The following PCDH7 variants were observed in gnomAD, a reference collection of about 807,000 sequenced individuals.
The protein encoded by PCDH7 is protocadherin-7.
PCDH7 carries 17 observed loss-of-function variants against 58.9 expected under a neutral mutation model. The observed-to-expected ratio is 0.29, with a 90% confidence interval of 0.20 to 0.43. PCDH7 has a LOEUF of 0.43. Among genes scored for constraint, PCDH7 ranks in the 20% least tolerant of loss-of-function variants. The pLI, the probability that PCDH7 is intolerant of heterozygous loss-of-function variation, is 1.00. For synonymous variants in PCDH7, 664 were observed against 616.4 expected, an observed-to-expected ratio of 1.08 and a Z score of -1.14; for missense variants, 1,274 against 1,441.0, an observed-to-expected ratio of 0.88 and a Z score of 1.88.
intron 1 of PCDH7, among the ~76,000 whole-genome samples, chr4:30,775,901 A>T (rs1391910227): frequency 6.6e-6 from 1 of 152,174 alleles, no homozygotes; most frequent in Non-Finnish European, 1.5e-5. Context: ...CATTGCAAAA[A>T]AAAAAGATAT....
chr4:30,769,659 A>G (rs540207850), intron 1 of PCDH7, among the ~76,000 whole-genome samples: 1 of 152,268 alleles, frequency 6.6e-6, no homozygotes, highest in East Asian at 1.9e-4. Flanking sequence ...ATTAAGATCC[A>G]CCCTGTTGTG....
chr4:30,922,355 G>A (rs2109416965), intron 2 of PCDH7, among the ~76,000 whole-genome samples: 1 of 151,822 alleles, frequency 6.6e-6, no homozygotes, highest in East Asian at 2.0e-4. Context: ...GTAAAGCACA[G>A]AATGTACAAT....
At chr4:30,955,522 T>G (rs1042318171) in intron 3 of PCDH7, among the ~76,000 whole-genome samples, 5 of 151,142 alleles carry the variant, frequency 3.3e-5, no homozygotes. Flanking sequence ...TTTTATTTTA[T>G]TTCATTTTAT....
At chr4:30,738,191 G>A (rs1054950098) in intron 1 of PCDH7, among the ~76,000 whole-genome samples, 3 of 152,136 alleles carry the variant, frequency 2.0e-5, no homozygotes, top group Non-Finnish European at 4.4e-5. Context: ...TCACATTGGA[G>A]AATACAGGGC....
intron 3 of PCDH7, among the ~76,000 whole-genome samples, chr4:31,056,458 GAAGAAAGAAAGAAAGAAAGAAAGA>G (rs1553932367): frequency 1.2e-5 from 1 of 83,156 alleles, no homozygotes; most frequent in Non-Finnish European, 2.2e-5. Context: ...AAGAAAGAAA[GAAGAAAGAAAGAAAGAAAGAAAGA>G]AAGAAAGAAA....
Position 30,722,319 on chromosome 4 carries a change from C to A in PCDH7, c.897C>A (p.Thr299=), listed in dbSNP as rs762683666. 6.2e-7 allele frequency: 1 copy of A among 1,609,844 alleles called. No homozygotes were observed. Among genetic ancestry groups the A allele is most frequent in the Non-Finnish European group, 8.5e-7 (1 of 1,178,920 alleles). ...AGGCCATCCTACGGGTCCTCATCAC[C>A]GACGTGAACGACAACAGCCCCCGCT... The change falls in exon 1 of 2, where the codon ACC becomes ACA. Residue 299 remains threonine (T), a synonymous_variant. Coordinates refer to ENST00000361762, the Ensembl canonical transcript of PCDH7. The surrounding 1 kb of genome is among the most constrained non-coding windows in gnomAD (Gnocchi z 7.6).
rs115320901 is a variant in PCDH7 at position 30,783,357 on chromosome 4, C to T, written c.70+58761C>T. 5.2e-3 allele frequency among the ~76,000 whole-genome samples: 785 copies of T among 152,210 alleles called. 8 individuals carry two copies. The highest frequency in any genetic ancestry group is 0.018 in the African/African-American group (754 of 41,522). ...CAATTTGATTTTCTGGGTCATGGAC[C>T]ATACTCTGCGTTTTATGTCATACTT... On this transcript the variant is annotated intron_variant, in intron 1 of 3. Coordinates refer to the PCDH7 transcript ENST00000509759.
chr4:30,764,135 C>T (rs1720394653), intron 1 of PCDH7, among the ~76,000 whole-genome samples: 1 of 152,128 alleles, frequency 6.6e-6, no homozygotes. Flanking sequence ...ATTTCAATTT[C>T]AGTAGTAAAT....
chr4:31,141,637 C>A (rs1424039359), intron 3 of PCDH7, among the ~76,000 whole-genome samples: 1 of 152,186 alleles, frequency 6.6e-6, no homozygotes, highest in East Asian at 1.9e-4. Context: ...ATGATTTAGC[C>A]TTTTAGAAGT....
chr4:30,721,753 G>T lies in PCDH7; in HGVS notation c.331G>T (p.Asp111Tyr). ...CTTCGACGAGAACGAGTGCTTCCTGGACTTCGAGGTGTCGGTGATCGGGCC... is the reference window on the plus strand; with the variant it reads ...CTTCGACGAGAACGAGTGCTTCCTGTACTTCGAGGTGTCGGTGATCGGGCC... The change falls in exon 1 of 2, where the codon GAC (aspartate) becomes TAC (tyrosine). Residue 111 changes from aspartate to tyrosine, a missense_variant. Transcript: ENST00000361762. This position sits in a 1 kb window ranked among gnomAD's most constrained non-coding sequence, Gnocchi z 6.7. 6.2e-7 allele frequency: 1 copy of T among 1,613,862 alleles called. No homozygotes were observed. Among genetic ancestry groups the T allele is most frequent in the Non-Finnish European group, 8.5e-7 (1 of 1,179,978 alleles).
At chr4:30,864,484 G>A (rs1734629618) in intron 1 of PCDH7, among the ~76,000 whole-genome samples, 1 of 147,920 alleles carries the variant, frequency 6.8e-6, no homozygotes, top group Admixed American at 6.7e-5. Flanking sequence ...TTGTTGCCAA[G>A]GGAGCCAGCT....
chr4:30,857,139 G>A (rs1033689324), intron 1 of PCDH7, among the ~76,000 whole-genome samples: 3 of 152,034 alleles, frequency 2.0e-5, no homozygotes, highest in Admixed American at 6.6e-5. Flanking sequence ...ACTCTTGTTT[G>A]AATCTCATGG....
intron 1 of PCDH7, among the ~76,000 whole-genome samples, chr4:30,853,987 G>A (rs1049943769): frequency 2.8e-4 from 42 of 151,912 alleles, no homozygotes; most frequent in African/African-American, 9.2e-4. Context: ...AATGAAATGT[G>A]ATGATAGTAA....
At chr4:30,998,594 G>T (rs1303928751) in intron 3 of PCDH7, among the ~76,000 whole-genome samples, 1 of 152,124 alleles carries the variant, frequency 6.6e-6, no homozygotes, top group Non-Finnish European at 1.5e-5. Context: ...CAGAACAATT[G>T]AATCAGAAAC....
chr4:31,054,898 G>A (rs1018393629), intron 3 of PCDH7, among the ~76,000 whole-genome samples: 1 of 152,078 alleles, frequency 6.6e-6, no homozygotes, highest in African/African-American at 2.4e-5. Flanking sequence ...TTAATGTTGA[G>A]TTTATGAAAT....
In PCDH7 at chr4:30,790,197, T is replaced by C. The variant is rs181444985; in HGVS notation, c.70+65601T>C. ...TGAACTGATTCTAATATTTCTCTGA[T>C]GACTTTTGAAACTTAAGTTACTGAG... On this transcript the variant is annotated intron_variant, in intron 1 of 3. Coordinates refer to the PCDH7 transcript ENST00000509759. 3.4e-4 allele frequency among the ~76,000 whole-genome samples: 52 copies of C among 152,376 alleles called. 1 individual carries two copies. Among genetic ancestry groups the C allele is most frequent in the South Asian group, 2.1e-3 (10 of 4,832 alleles).
At chr4:30,798,254 T>G (rs993208658) in intron 1 of PCDH7, among the ~76,000 whole-genome samples, 1 of 152,166 alleles carries the variant, frequency 6.6e-6, no homozygotes, top group African/African-American at 2.4e-5. Flanking sequence ...GGGGAGTGGA[T>G]GCCTTGATTT....
intron 1 of PCDH7, among the ~76,000 whole-genome samples, chr4:30,729,463 G>A (rs1715156600): frequency 6.6e-6 from 1 of 151,832 alleles, no homozygotes; most frequent in Admixed American, 6.6e-5. Flanking sequence ...CCTCATGTAG[G>A]ATTGTAATTG....
chr4:30,924,893 T>C (rs1743645058), intron 2 of PCDH7, among the ~76,000 whole-genome samples: 1 of 148,522 alleles, frequency 6.7e-6, no homozygotes, highest in African/African-American at 2.5e-5. Context: ...AAAAATAAAT[T>C]AAAAAAAAAA....
Sources: allele counts gnomAD v4.1 joint callset (sites outside exome capture counted in the v4.1 genomes callset), GRCh38; gene constraint gnomAD v4.1.1; non-coding constraint Gnocchi (gnomAD v3.1); transcripts MANE v1.5; gene names NCBI Gene and HGNC (gene_info 2026-07-23, HGNC 2026-07-21).